APBB2: variants seen among roughly 807,000 people sequenced by gnomAD.
APBB2 encodes the protein Fe65-like 1.
Under a neutral mutation model 82.5 loss-of-function variants are expected in APBB2, and 38 were observed. The observed-to-expected ratio is 0.46, with a 90% CI of 0.36 to 0.60. The LOEUF (loss-of-function observed/expected upper bound fraction) is 0.60, where lower values mean the gene tolerates loss of function less well. Among genes scored for constraint, APBB2 ranks in the 20% least tolerant of loss-of-function variants. The pLI, the probability that APBB2 is intolerant of heterozygous loss-of-function variation, is 0.00. For missense variants in APBB2, 772 were observed against 972.3 expected (o/e 0.79, Z 2.74); for synonymous variants, 341 against 368.2 (o/e 0.93, Z 0.85).
At chr4:40,924,386 G>A (rs1251794889) in intron 10 of APBB2, among the ~76,000 whole-genome samples, 2 of 152,184 alleles carry the variant, frequency 1.3e-5, no homozygotes, top group African/African-American at 2.4e-5. Context: ...AAAACCTCCC[G>A]TCCTATGCGC....
chr4:40,959,033 C>T (rs1180807423), intron 6 of APBB2, among the ~76,000 whole-genome samples: 2 of 152,192 alleles, frequency 1.3e-5, no homozygotes, highest in East Asian at 3.8e-4. Context: ...AGCAATACAA[C>T]CTGTTCAATA....
chr4:40,845,881 A>G (rs1476930385), intron 12 of APBB2, among the ~76,000 whole-genome samples: 1 of 151,876 alleles, frequency 6.6e-6, no homozygotes, highest in African/African-American at 2.4e-5. Context: ...CCACAGGACA[A>G]TGAAGTAAAC....
chr4:40,960,434 A>C (rs1792798555), intron 6 of APBB2, among the ~76,000 whole-genome samples: 1 of 147,248 alleles, frequency 6.8e-6, no homozygotes, highest in Non-Finnish European at 1.5e-5. Context: ...CAAAAACAGA[A>C]ATTTTTTTTC....
chr4:41,029,871 A>T (rs1216105403), intron 5 of APBB2, among the ~76,000 whole-genome samples: 1 of 152,072 alleles, frequency 6.6e-6, no homozygotes, highest in African/African-American at 2.4e-5. Context: ...CAAAAAGAAG[A>T]GCTGGCTGGG....
chr4:41,057,187 A>C (rs1728119358), intron 4 of APBB2, among the ~76,000 whole-genome samples: 1 of 152,238 alleles, frequency 6.6e-6, no homozygotes, highest in African/African-American at 2.4e-5. Context: ...ACGGTGTCTC[A>C]AGCCTGTAAT....
intron 6 of APBB2, among the ~76,000 whole-genome samples, chr4:40,964,598 C>G (rs554025159): frequency 3.3e-5 from 5 of 152,134 alleles, no homozygotes; most frequent in Admixed American, 6.6e-5. Context: ...TGGGGGCAAC[C>G]TGCAAGTCTA....
intron 12 of APBB2, among the ~76,000 whole-genome samples, chr4:40,873,020 G>A (rs980287498): frequency 3.3e-5 from 5 of 151,386 alleles, no homozygotes; most frequent in Admixed American, 1.3e-4. Context: ...CACAGGAGGC[G>A]GAGGTTGCAG....
chr4:41,049,751 A>T (rs1351968503), intron 4 of APBB2, among the ~76,000 whole-genome samples: 1 of 152,224 alleles, frequency 6.6e-6, no homozygotes, highest in African/African-American at 2.4e-5. Flanking sequence ...GTGTAGAGAG[A>T]AGTAGACATG....
chr4:41,073,071 A>G (rs1463665763), intron 3 of APBB2, among the ~76,000 whole-genome samples: 1 of 152,174 alleles, frequency 6.6e-6, no homozygotes, highest in Non-Finnish European at 1.5e-5. Flanking sequence ...CAACACACAG[A>G]TCTTTATTTA....
rs1289916165 is a variant in APBB2 at position 41,127,224 on chromosome 4, T to C, written c.-261+15763A>G. On this transcript the variant is annotated intron_variant, in intron 2 of 17. Coordinates refer to ENST00000508593, the MANE Select transcript of APBB2 (RefSeq NM_004307.2). This position sits in a 1 kb window ranked among gnomAD's most constrained non-coding sequence, Gnocchi z 4.8. ...TTCACTGTCTTTATGAAATACTTCA[T>C]AAAGACACACACCAAACAACCATAA... Among the ~76,000 whole-genome samples, 1 of 151,988 alleles carries C rather than the reference T, an allele frequency of 6.6e-6. No homozygotes were observed. Among genetic ancestry groups the C allele is most frequent in the Non-Finnish European group, 1.5e-5 (1 of 67,984 alleles).
chr4:41,191,403 GCATT>G (rs1195098655), intron 1 of APBB2, among the ~76,000 whole-genome samples: 1 of 152,098 alleles, frequency 6.6e-6, no homozygotes, highest in Non-Finnish European at 1.5e-5. Flanking sequence ...TTATTTCTAC[GCATT>G]CATTTATTTT....
intron 1 of APBB2, among the ~76,000 whole-genome samples, chr4:41,169,916 T>G (rs1192401534): frequency 6.6e-6 from 1 of 152,050 alleles, no homozygotes; most frequent in Non-Finnish European, 1.5e-5. Flanking sequence ...GAATAAAGGA[T>G]GAACTTTGTG....
intron 1 of APBB2, among the ~76,000 whole-genome samples, chr4:41,172,811 C>T (rs1768686981): frequency 1.3e-5 from 2 of 152,220 alleles, no homozygotes; most frequent in African/African-American, 4.8e-5. Flanking sequence ...GGGGAAAAGT[C>T]AGCCAGGCAA....
chr4:40,951,777 T>C (rs1033069028), intron 6 of APBB2, among the ~76,000 whole-genome samples: 4 of 152,140 alleles, frequency 2.6e-5, no homozygotes, highest in African/African-American at 9.7e-5. Context: ...TCACTAGAAA[T>C]TGGAGGTCTC....
chr4:41,105,747 G>A (rs1056129919), intron 2 of APBB2, among the ~76,000 whole-genome samples: 4 of 152,086 alleles, frequency 2.6e-5, no homozygotes, highest in Admixed American at 6.6e-5. Context: ...TTAGCCAGGT[G>A]TGGTAGCGGG....
intron 6 of APBB2, among the ~76,000 whole-genome samples, chr4:40,953,004 TG>T (rs1790624302): frequency 1.3e-5 from 2 of 152,188 alleles, no homozygotes; most frequent in South Asian, 4.2e-4. Context: ...CATATAAAAA[TG>T]GATTTTAGGC....
intron 6 of APBB2, chr4:40,990,362 G>A (rs1473453140): frequency 1.3e-5 from 2 of 151,972 alleles, no homozygotes; most frequent in Admixed American, 6.6e-5. Flanking sequence ...TTGGACATCA[G>A]AAGAATATTC....
At chr4:41,195,260 T>C in intron 1 of APBB2, among the ~76,000 whole-genome samples, 2 of 152,186 alleles carry the variant, frequency 1.3e-5, no homozygotes, top group Non-Finnish European at 2.9e-5. Flanking sequence ...ATGGTATCCA[T>C]GGCTGAAATC....
At chr4:40,835,305 T>G (rs1159505054) in intron 12 of APBB2, among the ~76,000 whole-genome samples, 1 of 151,754 alleles carries the variant, frequency 6.6e-6, no homozygotes, top group Non-Finnish European at 1.5e-5. Context: ...TCAATTCACT[T>G]CTACAAGCAC....
Sources: gnomAD v4.1 joint callset for allele counts (sites outside exome capture counted in the v4.1 genomes callset) on GRCh38, gnomAD v4.1.1 for gene constraint, Gnocchi (gnomAD v3.1) non-coding constraint, MANE v1.5 for transcripts, NCBI Gene and HGNC (gene_info 2026-07-23, HGNC 2026-07-21) for gene names.